HIBADH: variants seen among roughly 807,000 people sequenced by gnomAD.
HIBADH encodes 3-hydroxyisobutyrate dehydrogenase, mitochondrial.
HIBADH carries 25 observed loss-of-function variants against 36.1 expected under a neutral mutation model. That is an observed-to-expected ratio of 0.69 (90% confidence interval 0.50 to 0.97). The LOEUF (loss-of-function observed/expected upper bound fraction) is 0.97, where lower values mean the gene tolerates loss of function less well. Ranked by LOEUF, HIBADH falls within the 50% of genes least tolerant of loss-of-function variation. The probability of loss-of-function intolerance (pLI) is 0.00; values close to 1 mark genes in which losing one functional copy is unlikely to be tolerated. For synonymous variants in HIBADH, 160 were observed against 149.5 expected (o/e 1.07, Z -0.51); for missense variants, 421 against 418.0 (o/e 1.01, Z -0.06).
At chr7:27,599,232 T>C (rs1198271616) in intron 4 of HIBADH, among the ~76,000 whole-genome samples, 2 of 152,154 alleles carry the variant, frequency 1.3e-5, no homozygotes. Context: ...GTTTATCAAA[T>C]GCATTCCTTA....
At chr7:27,584,133 C>T (rs927230975) in intron 4 of HIBADH, among the ~76,000 whole-genome samples, 8 of 152,082 alleles carry the variant, frequency 5.3e-5, no homozygotes, top group African/African-American at 1.9e-4. Flanking sequence ...TTGTGGATAT[C>T]CTTCTTTTAT....
At chr7:27,556,141 T>TAAAAG (rs5883087) in intron 4 of HIBADH, among the ~76,000 whole-genome samples, 109,983 of 151,466 alleles carry the variant, frequency 0.73, 40,040 homozygotes, top group East Asian at 0.94. Flanking sequence ...TCTCACTTGT[T>TAAAAG]AATAATATCT....
chr7:27,539,882 TAAGG>T (rs755910895), intron 5 of HIBADH, among the ~76,000 whole-genome samples: 3 of 152,108 alleles, frequency 2.0e-5, no homozygotes, highest in Non-Finnish European at 4.4e-5. Flanking sequence ...AGGGAATCAT[TAAGG>T]AAGATAAAAT....
intron 4 of HIBADH, among the ~76,000 whole-genome samples, chr7:27,611,648 G>A (rs1208103793): frequency 6.6e-6 from 1 of 152,086 alleles, no homozygotes; most frequent in African/African-American, 2.4e-5. Context: ...CCTGTGTCAT[G>A]GGCTAATTTA....
chr7:27,653,701 C>G (rs1488822270), intron 1 of HIBADH, among the ~76,000 whole-genome samples: 1 of 151,408 alleles, frequency 6.6e-6, no homozygotes, highest in South Asian at 2.1e-4. Flanking sequence ...CGCACCACTG[C>G]ACTCCAGCCT....
chr7:27,632,135 T>G (rs1363769918), intron 3 of HIBADH, among the ~76,000 whole-genome samples: 1 of 152,148 alleles, frequency 6.6e-6, no homozygotes, highest in Non-Finnish European at 1.5e-5. Context: ...AACCAAAAAA[T>G]TTTATACACA....
intron 4 of HIBADH, among the ~76,000 whole-genome samples, chr7:27,568,711 T>C (rs1351685712): frequency 6.6e-6 from 1 of 152,114 alleles, no homozygotes; most frequent in Non-Finnish European, 1.5e-5. Flanking sequence ...CTTCAAGTGA[T>C]CCACCCACTT....
intron 4 of HIBADH, among the ~76,000 whole-genome samples, chr7:27,562,797 T>A (rs1336404907): frequency 6.6e-6 from 1 of 152,142 alleles, no homozygotes; most frequent in Non-Finnish European, 1.5e-5. Flanking sequence ...CCCTTTAGGA[T>A]CCTTTAGGAT....
chr7:27,527,437 G>T (rs1783920632), intron 7 of HIBADH, among the ~76,000 whole-genome samples: 1 of 152,178 alleles, frequency 6.6e-6, no homozygotes, highest in Non-Finnish European at 1.5e-5. Flanking sequence ...GGGGAGGAGG[G>T]AGCTGGATGA....
chr7:27,528,622 G>T (rs1783948003), intron 7 of HIBADH, among the ~76,000 whole-genome samples: 1 of 152,226 alleles, frequency 6.6e-6, no homozygotes, highest in South Asian at 2.1e-4. Flanking sequence ...TGAGGAAGCT[G>T]CAGAAGACGT....
chr7:27,643,848 A>AATGTCTGCCTCC (rs1786005619), intron 2 of HIBADH, among the ~76,000 whole-genome samples: 1 of 151,944 alleles, frequency 6.6e-6, no homozygotes, highest in Admixed American at 6.6e-5. Flanking sequence ...GCATAACTCT[A>AATGTCTGCCTCC]ATGTCTGCCT....
chr7:27,621,515 G>C (rs1295054734), intron 4 of HIBADH, among the ~76,000 whole-genome samples: 1 of 152,176 alleles, frequency 6.6e-6, no homozygotes, highest in South Asian at 2.1e-4. Flanking sequence ...AAAACAGCCA[G>C]GCGCAGTGGC....
intron 1 of HIBADH, among the ~76,000 whole-genome samples, chr7:27,659,711 G>A (rs975607951): frequency 3.3e-5 from 5 of 151,850 alleles, no homozygotes; most frequent in African/African-American, 1.2e-4. Flanking sequence ...AAGAGAGAGA[G>A]AGAGACCCCA....
At chr7:27,538,465 A>G in intron 5 of HIBADH, 48 bp from the exon 6 acceptor site, 1 of 1,522,644 alleles carries the variant, frequency 6.6e-7, no homozygotes. Flanking sequence ...TTCAAGGTAA[A>G]ACTCACAGGA....
At chr7:27,583,285 T>C (rs576678248) in intron 4 of HIBADH, among the ~76,000 whole-genome samples, 1 of 152,192 alleles carries the variant, frequency 6.6e-6, no homozygotes, top group South Asian at 2.1e-4. Context: ...TTGAACAGCT[T>C]ACTCTGTTAA....
At chr7:27,613,156 A>T (rs7456656) in intron 4 of HIBADH, among the ~76,000 whole-genome samples, 1 of 9,466 alleles carries the variant, frequency 1.1e-4, no homozygotes, top group South Asian at 2.3e-3. Context: ...ATTTTATATA[A>T]ATATATATAT....
At chr7:27,563,093 CT>C (rs767936577) in intron 4 of HIBADH, among the ~76,000 whole-genome samples, 1 of 152,188 alleles carries the variant, frequency 6.6e-6, no homozygotes, top group Non-Finnish European at 1.5e-5. Flanking sequence ...TCTCCAACTC[CT>C]GATCCTACTA....
intron 1 of HIBADH, among the ~76,000 whole-genome samples, chr7:27,650,089 G>C (rs1167467168): frequency 6.6e-6 from 1 of 151,968 alleles, no homozygotes; most frequent in Non-Finnish European, 1.5e-5. Context: ...ACTAAATAAT[G>C]TTATCATTTA....
At chr7:27,577,330 A>AT (rs34081161) in intron 4 of HIBADH, among the ~76,000 whole-genome samples, 31,727 of 151,478 alleles carry the variant, frequency 0.21, 4,199 homozygotes, top group East Asian at 0.43. Context: ...CACCTGACTT[A>AT]TTTTTTATTT....
Sources: allele counts gnomAD v4.1 joint callset (sites outside exome capture counted in the v4.1 genomes callset), GRCh38; gene constraint gnomAD v4.1.1; transcripts MANE v1.5; gene names NCBI Gene and HGNC (gene_info 2026-07-23, HGNC 2026-07-21).